VPS13B: variants seen among roughly 807,000 people sequenced by gnomAD.
The protein encoded by VPS13B is vacuolar protein sorting 13 homolog B, also known as intermembrane lipid transfer protein VPS13B.
In VPS13B, 285 loss-of-function variants were observed where a neutral mutation model predicts 426.4. The observed-to-expected ratio is 0.67, with a 90% confidence interval of 0.61 to 0.74. The LOEUF (loss-of-function observed/expected upper bound fraction) is 0.74. VPS13B is among the 30% of genes least tolerant of loss of function. The pLI is 0.00. For missense variants in VPS13B, 4,537 were observed against 4,782.6 expected (o/e 0.95, Z 1.51); for synonymous variants, 1,676 against 1,676.4 (o/e 1.00, Z 0.01).
chr8:99,848,943 CA>C (rs760980851), intron 55 of VPS13B, 49 bp downstream of exon 55: 1 of 1,528,356 alleles, frequency 6.5e-7, no homozygotes, highest in South Asian at 1.1e-5. Flanking sequence ...GTTACTGTTA[CA>C]AAGTTGTAAA....
rs1201442324 is a variant in VPS13B, at chr8:99,115,862, G to C, written c.925G>C (p.Gly309Arg). The stretch of plus-strand genomic sequence containing the variant: ...TACTTGTCATAATAAAGATATGCTA[G>C]GAAACATTACAGGTAATGTAAAACT... ...DLTCHNKDML[G>R]NITGSEDETR... The change falls in exon 7 of 62, where the codon GGA becomes CGA. Residue 309 changes from glycine (G) to arginine (R), a missense_variant. Physicochemically the swap from Gly to Arg is moderately radical, Grantham distance 125. Coordinates refer to ENST00000357162, the MANE Select transcript of VPS13B (RefSeq NM_152564.5). 2 of 1,612,666 alleles carry C rather than the reference G, an allele frequency of 1.2e-6. No homozygotes were observed. Among genetic ancestry groups the C allele is most frequent in the Non-Finnish European group, 1.7e-6 (2 of 1,179,584 alleles).
rs1400993859 is a variant in VPS13B at position 99,329,952 on chromosome 8, A to G, written c.2825-54256A>G. On this transcript the variant is annotated intron_variant, in intron 19 of 61. Transcript: ENST00000357162. ...TATCCCTGACCTCTTCCCACTAGAT[A>G]CCAGTGGCACCCTTGGTTTGTTTCC... Among the ~76,000 whole-genome samples the G allele has an allele frequency of 7.2e-5, 11 of 152,046 alleles. No homozygotes were observed. The East Asian group carries it at 1.7e-3, about 24-fold the overall frequency.
chr8:99,213,167 C>G (rs1261241668), intron 17 of VPS13B, among the ~76,000 whole-genome samples: 1 of 152,092 alleles, frequency 6.6e-6, no homozygotes, highest in Admixed American at 6.5e-5. Flanking sequence ...TTGTACACAT[C>G]ACTCTTTATT....
chr8:99,779,636 A>G (rs1811915712), intron 42 of VPS13B, among the ~76,000 whole-genome samples: 1 of 152,064 alleles, frequency 6.6e-6, no homozygotes, highest in African/African-American at 2.4e-5. Context: ...AAACCAAACC[A>G]AAAAAAGGGA....
At chr8:99,413,445 CTCTT>C (rs1373130046) in intron 21 of VPS13B, among the ~76,000 whole-genome samples, 1 of 151,058 alleles carries the variant, frequency 6.6e-6, no homozygotes, top group Non-Finnish European at 1.5e-5. Context: ...TGTTTCTTCT[CTCTT>C]AGTTATTTCT....
chr8:99,770,096 C>T (rs1053508539), intron 40 of VPS13B, among the ~76,000 whole-genome samples: 5 of 152,042 alleles, frequency 3.3e-5, no homozygotes, highest in African/African-American at 1.2e-4. Context: ...GAGGCAGAGG[C>T]TGCAGTGAGC....
Position 99,139,884 on chromosome 8 carries a change from T to A in VPS13B, c.1652-3090T>A, listed in dbSNP as rs190326033. 6.3e-3 allele frequency among the ~76,000 whole-genome samples: 961 copies of A among 152,184 alleles called. 8 individuals carry two copies. The highest frequency in any genetic ancestry group is 0.022 in the African/African-American group (903 of 41,540). ...AAAAAAGCTTTATCTAAAACTCTTG[T>A]TTTTTTGTGACAACTTTTTTTTTGT... On this transcript the variant is annotated intron_variant, in intron 12 of 61. Transcript: ENST00000357162.
chr8:99,524,282 C>CA (rs1448639296), intron 30 of VPS13B, among the ~76,000 whole-genome samples: 1 of 152,100 alleles, frequency 6.6e-6, no homozygotes, highest in East Asian at 1.9e-4. Flanking sequence ...GCCTTAAAGA[C>CA]AGGCAGAGAG....
At chr8:99,035,347 G>C (rs1842695072) in intron 2 of VPS13B, among the ~76,000 whole-genome samples, 2 of 152,040 alleles carry the variant, frequency 1.3e-5, no homozygotes, top group Non-Finnish European at 2.9e-5. Flanking sequence ...CCCTGCCCCA[G>C]CCCTTGACAA....
intron 35 of VPS13B, chr8:99,696,217 A>G (rs145470730): frequency 1.0e-3 from 189 of 182,742 alleles, no homozygotes; most frequent in African/African-American, 4.2e-3. Context: ...ATGACTTGGT[A>G]GTAGAGAAGT....
chr8:99,057,722 C>A (rs975289485), intron 3 of VPS13B, among the ~76,000 whole-genome samples: 3 of 152,108 alleles, frequency 2.0e-5, no homozygotes, highest in Non-Finnish European at 4.4e-5. Context: ...CAAATCCTTT[C>A]CTCTTTATGT....
intron 34 of VPS13B, among the ~76,000 whole-genome samples, chr8:99,654,449 A>G (rs1365113308): frequency 2.0e-5 from 3 of 152,222 alleles, no homozygotes; most frequent in Non-Finnish European, 4.4e-5. Flanking sequence ...TTGTGGCTAC[A>G]TAAGAAAAAG....
intron 33 of VPS13B, among the ~76,000 whole-genome samples, chr8:99,585,012 C>G (rs1435343096): frequency 6.6e-6 from 1 of 152,058 alleles, no homozygotes; most frequent in East Asian, 1.9e-4. Context: ...TCTTACAAGC[C>G]TAAACTTCAT....
intron 33 of VPS13B, among the ~76,000 whole-genome samples, chr8:99,604,814 G>A (rs1827499138): frequency 6.6e-6 from 1 of 152,088 alleles, no homozygotes; most frequent in Admixed American, 6.5e-5. Flanking sequence ...GTACTGCTCA[G>A]ATATTTTGTA....
At chr8:99,614,217 A>G (rs1006698436) in intron 33 of VPS13B, 23 of 152,062 alleles carry the variant, frequency 1.5e-4, no homozygotes, top group African/African-American at 5.6e-4. Context: ...CTAGAGAAAA[A>G]TAACTCCCTA....
At chr8:99,863,545 G>A (rs888297562) in intron 58 of VPS13B, among the ~76,000 whole-genome samples, 1 of 151,986 alleles carries the variant, frequency 6.6e-6, no homozygotes, top group Admixed American at 6.6e-5. Flanking sequence ...CCCAACCCCC[G>A]ACTCCCTTCC....
intron 21 of VPS13B, among the ~76,000 whole-genome samples, chr8:99,418,135 GTGTT>G (rs1311949318): frequency 6.6e-6 from 1 of 152,076 alleles, no homozygotes; most frequent in Non-Finnish European, 1.5e-5. Flanking sequence ...GACTGGGATT[GTGTT>G]TGTTTTGCTC....
intron 17 of VPS13B, among the ~76,000 whole-genome samples, chr8:99,252,000 T>TA (rs1817531699): frequency 6.6e-6 from 1 of 151,564 alleles, no homozygotes; most frequent in African/African-American, 2.4e-5. Context: ...TATTGATCTT[T>TA]AAAAAACAAG....
intron 59 of VPS13B, among the ~76,000 whole-genome samples, chr8:99,869,534 CTTCT>C (rs1260342946): frequency 6.6e-6 from 1 of 152,206 alleles, no homozygotes; most frequent in East Asian, 1.9e-4. Context: ...TTTCCCTCTC[CTTCT>C]GTGAATGACA....
Sources: gnomAD v4.1 joint callset for allele counts (sites outside exome capture counted in the v4.1 genomes callset) on GRCh38, gnomAD v4.1.1 for gene constraint, MANE v1.5 for transcripts, NCBI Gene and HGNC (gene_info 2026-07-23, HGNC 2026-07-21) for gene names.